CALD1: variants seen among roughly 807,000 people sequenced by gnomAD.
The protein encoded by CALD1 is caldesmon 1.
In CALD1, 33 loss-of-function variants were observed where a neutral mutation model predicts 99.9. The ratio of observed to expected loss-of-function variants is 0.33; its 90% CI spans 0.25 to 0.44. CALD1 has a LOEUF of 0.44. Ranked by LOEUF, CALD1 falls within the 20% of genes least tolerant of loss-of-function variation. The pLI is 1.00. For synonymous variants in CALD1, 310 were observed against 325.0 expected (o/e 0.95, Z 0.50); for missense variants, 861 against 962.1 (o/e 0.89, Z 1.39).
At chr7:134,920,661 A>G in intron 3 of CALD1, 1 of 1,289,376 alleles carries the variant, frequency 7.8e-7, no homozygotes, top group Non-Finnish European at 1.0e-6. Flanking sequence ...AAGTGGACAG[A>G]CAGTGGAATG....
chr7:134,939,066 G>C (rs1013000204), intron 6 of CALD1, among the ~76,000 whole-genome samples: 2 of 152,214 alleles, frequency 1.3e-5, no homozygotes, highest in African/African-American at 4.8e-5. Flanking sequence ...AGCCACAGAT[G>C]CTTCTTAACT....
chr7:134,899,245 T>G (rs1802802000), intron 3 of CALD1, among the ~76,000 whole-genome samples: 1 of 151,670 alleles, frequency 6.6e-6, no homozygotes, highest in Non-Finnish European at 1.5e-5. Flanking sequence ...TCACTCTTGT[T>G]GAGGCTGGAG....
At chr7:134,719,240 GAGA>G in the CALD1 span, among the ~76,000 whole-genome samples, 2 of 152,042 alleles carry the variant, frequency 1.3e-5, no homozygotes, top group Non-Finnish European at 2.9e-5. Flanking sequence ...TTAAGCTTCA[GAGA>G]AGAAGGAAAG....
intron 7 of CALD1, among the ~76,000 whole-genome samples, chr7:134,945,844 A>G (rs1355742942): frequency 6.6e-6 from 1 of 152,254 alleles, no homozygotes; most frequent in Non-Finnish European, 1.5e-5. Flanking sequence ...AAGAATAGAC[A>G]TAAATCACTG....
chr7:134,956,790 G>T (rs1807804865), intron 9 of CALD1, among the ~76,000 whole-genome samples: 1 of 152,134 alleles, frequency 6.6e-6, no homozygotes, highest in Admixed American at 6.5e-5. Flanking sequence ...ATGTGCTTTG[G>T]CACATGCAGT....
At chr7:134,862,539 C>T (rs1269692870) in intron 2 of CALD1, among the ~76,000 whole-genome samples, 1 of 152,126 alleles carries the variant, frequency 6.6e-6, no homozygotes, top group Non-Finnish European at 1.5e-5. Context: ...GACATAAAAA[C>T]ATCAGTGATT....
intron 2 of CALD1, among the ~76,000 whole-genome samples, chr7:134,862,408 T>C (rs1800601776): frequency 1.3e-5 from 2 of 152,156 alleles, no homozygotes; most frequent in South Asian, 2.1e-4. Flanking sequence ...CTATCAGCCA[T>C]GAAAAGACTT....
rs114710185 is a variant in CALD1 at position 134,768,762 on chromosome 7, T to G, written c.-130+24399T>G. On this transcript the variant is annotated intron_variant, in intron 1 of 13. Transcript: ENST00000417172. ...ACTCTGCAGTGTTAACAGATGTAATTTTTTTTCATAATTGCTTAAGATCCT... is the reference window on the plus strand; with the variant it reads ...ACTCTGCAGTGTTAACAGATGTAATGTTTTTTCATAATTGCTTAAGATCCT... Among the ~76,000 whole-genome samples, 1,413 of 152,292 alleles carry G rather than the reference T, an allele frequency of 9.3e-3. 26 individuals are homozygous for G. Among genetic ancestry groups the G allele is most frequent in the African/African-American group, 0.032 (1,326 of 41,564 alleles).
At chr7:134,838,016 T>A (rs557130536) in intron 1 of CALD1, among the ~76,000 whole-genome samples, 4 of 152,354 alleles carry the variant, frequency 2.6e-5, no homozygotes, top group African/African-American at 9.6e-5. Flanking sequence ...CCAATAAATC[T>A]GTTTGCTACA....
At chr7:134,768,647 G>A (rs930075720) in intron 1 of CALD1, among the ~76,000 whole-genome samples, 1 of 151,906 alleles carries the variant, frequency 6.6e-6, no homozygotes, top group Non-Finnish European at 1.5e-5. Context: ...TAGTTCTCTG[G>A]GGGGAGAATG....
intron 3 of CALD1, among the ~76,000 whole-genome samples, chr7:134,895,854 G>T (rs1291347710): frequency 1.3e-5 from 2 of 152,028 alleles, no homozygotes; most frequent in African/African-American, 4.8e-5. Flanking sequence ...GGTTCTCTCT[G>T]CCCACTTGCT....
chr7:134,801,232 T>C (rs557843159), intron 1 of CALD1, among the ~76,000 whole-genome samples: 3 of 152,292 alleles, frequency 2.0e-5, no homozygotes, highest in Admixed American at 2.0e-4. Flanking sequence ...TATTACAAAG[T>C]ATAAACTTTA....
At chr7:134,896,172 G>A (rs1326086159) in intron 3 of CALD1, among the ~76,000 whole-genome samples, 1 of 152,194 alleles carries the variant, frequency 6.6e-6, no homozygotes, top group African/African-American at 2.4e-5. Context: ...GCCTGCATCA[G>A]GAATAAGAAC....
chr7:134,897,309 AT>A (rs5887713), intron 3 of CALD1, among the ~76,000 whole-genome samples: 92,390 of 148,468 alleles, frequency 0.62, 28,930 homozygotes, highest in East Asian at 0.9. Flanking sequence ...CTCAGTTTTC[AT>A]TTTTTTTTTC....
At chr7:134,768,413 CTTAAG>C (rs942716693) in intron 1 of CALD1, among the ~76,000 whole-genome samples, 17 of 152,302 alleles carry the variant, frequency 1.1e-4, no homozygotes, top group South Asian at 8.3e-4. Context: ...CAGGCTGTGG[CTTAAG>C]TTATTACTCC....
chr7:134,961,233 G>A (rs1808239706), intron 13 of CALD1: 1 of 152,220 alleles, frequency 6.6e-6, no homozygotes, highest in South Asian at 2.1e-4. Context: ...TTTATTAAGT[G>A]CAGCTATCTT....
chr7:134,824,945 TTG>T (rs1050718659), intron 1 of CALD1, among the ~76,000 whole-genome samples: 8 of 152,166 alleles, frequency 5.3e-5, no homozygotes, highest in Admixed American at 2.6e-4. Flanking sequence ...TTGTTGGAAT[TTG>T]TGTTATTCTC....
chr7:134,857,304 G>GGACTACA (rs904187010), intron 2 of CALD1, among the ~76,000 whole-genome samples: 7 of 151,672 alleles, frequency 4.6e-5, no homozygotes, highest in African/African-American at 1.7e-4. Context: ...CGAGTAGCTG[G>GGACTACA]GACTACAGAT....
chr7:134,886,084 A>C (rs1801838753), intron 3 of CALD1, among the ~76,000 whole-genome samples: 1 of 152,238 alleles, frequency 6.6e-6, no homozygotes, highest in South Asian at 2.1e-4. Flanking sequence ...AAGAGCTTAG[A>C]GAGTCGGCCT....
Sources: gnomAD v4.1 joint callset for allele counts (sites outside exome capture counted in the v4.1 genomes callset) on GRCh38, gnomAD v4.1.1 for gene constraint, MANE v1.5 for transcripts, NCBI Gene and HGNC (gene_info 2026-07-23, HGNC 2026-07-21) for gene names.